The following PROM1 variants were observed in gnomAD, a reference collection of about 807,000 sequenced individuals.
The protein encoded by PROM1 is prominin-1.
A neutral mutation model predicts 116.9 loss-of-function variants in PROM1; 105 were observed. That is an observed-to-expected ratio of 0.90 (90% CI 0.77 to 1.06). PROM1 has a LOEUF of 1.06. Ranked by LOEUF, PROM1 falls within the 50% of genes least tolerant of loss-of-function variation. The probability of loss-of-function intolerance (pLI) is 0.00; values close to 1 mark genes in which losing one functional copy is unlikely to be tolerated. For synonymous variants in PROM1, 393 were observed against 387.0 expected (o/e 1.02, Z -0.18); for missense variants, 1,122 against 1,045.2 (o/e 1.07, Z -1.01).
chr4:15,977,888 G>A (rs1355389855), intron 26 of PROM1, among the ~76,000 whole-genome samples: 2 of 152,318 alleles, frequency 1.3e-5, no homozygotes, highest in Non-Finnish European at 2.9e-5. Flanking sequence ...ATGAGCCACC[G>A]CGCTTGGCCA....
intron 12 of PROM1, 37 bp from the exon 13 acceptor site, chr4:16,006,727 AG>A (rs1348421528): frequency 6.3e-7 from 1 of 1,599,182 alleles, no homozygotes; most frequent in African/African-American, 1.3e-5. Flanking sequence ...TACATGACAC[AG>A]GTGACGCCAC....
At chr4:16,038,683 G>T (rs1263511174) in intron 3 of PROM1, among the ~76,000 whole-genome samples, 1 of 152,200 alleles carries the variant, frequency 6.6e-6, no homozygotes, top group African/African-American at 2.4e-5. Flanking sequence ...TTACAGGCGT[G>T]AGCCACCACA....
chr4:16,083,303 C>G (rs140740468), intron 1 of PROM1: 3,477 of 152,420 alleles, frequency 0.023, 65 homozygotes, highest in Non-Finnish European at 0.035. Flanking sequence ...CACTCACCTC[C>G]GACTCCCGCT....
chr4:15,980,519 T>C lies in PROM1; in HGVS notation c.2392A>G (p.Ile798Val). 6.5e-7 allele frequency: 1 copy of C among 1,542,990 alleles called. No individual in the cohort carries two copies. Among genetic ancestry groups the C allele is most frequent in the Non-Finnish European group, 8.7e-7 (1 of 1,144,270 alleles). The change falls in exon 24 of 28, where the codon ATA (isoleucine) becomes GTA (valine). Residue 798 changes from isoleucine (I) to valine (V), a missense_variant. By Grantham distance (29) the Ile-to-Val change is conservative. Transcript: ENST00000447510. ...AGTAAAAATACAGTAGCTTTTCCTA[T>C]GCCAAACCAAAACAAATTCTAGGAA... is the stretch of plus-strand genomic sequence containing the variant. The part of the protein sequence containing the change: ...IDPLNLFWFG[I>V]GKATVFLLPA...
intron 3 of PROM1, among the ~76,000 whole-genome samples, chr4:16,036,503 G>A (rs1027944482): frequency 4.6e-5 from 7 of 152,096 alleles, no homozygotes; most frequent in African/African-American, 1.7e-4. Context: ...AATGATCCCG[G>A]TCTCCCTTTC....
Position 15,970,974 on chromosome 4 carries a change from T to C in PROM1, c.*24+69A>G, listed in dbSNP as rs1044211259. ...TGTGGCAATGTATTAGGAATAGCTA[T>C]GTTTTGATGTTCTAAAAACTAAAAA... is the stretch of plus-strand genomic sequence containing the variant. On this transcript the variant is annotated intron_variant, in intron 27 of 27. Transcript: ENST00000447510. The C allele has an allele frequency of 1.4e-5, 17 of 1,202,398 alleles. No homozygotes were observed. In the African/African-American group the frequency reaches 1.8e-4, roughly 13 times the overall value. The allele number at this position is 1,202,398 out of a possible 1,614,324, so 74.5% of individuals were successfully genotyped here. A position where few individuals can be genotyped will look rare whatever the true frequency, so the allele number is the denominator to read the frequency against.
Position 15,992,308 on chromosome 4 carries a change from GT to G in PROM1, c.1850del (p.Asn617ThrfsTer10). ...TTCCACAAGCAGCAAAATCCTGAAG[GT>G]TTTTTCTTCCTGCTGCACCCAACAG... Reference protein sequence around the residue: ...IFLLGAAGRKNLQDFAACGID... With the variant: ...IFLLGAAGRKXLQDFAACGID... On this transcript the variant is annotated frameshift_variant, in exon 17 of 28. Transcript: ENST00000447510. LOFTEE classifies it high-confidence loss of function. 6.2e-7 allele frequency: 1 copy of G among 1,613,814 alleles called. No individual in the cohort carries two copies. The highest frequency in any genetic ancestry group is 8.5e-7 in the Non-Finnish European group (1 of 1,179,844).
chr4:16,004,768 CCT>C (rs1491574138), intron 13 of PROM1, among the ~76,000 whole-genome samples: 1 of 151,966 alleles, frequency 6.6e-6, no homozygotes, highest in African/African-American at 2.4e-5. Flanking sequence ...TGTGATTTCT[CCT>C]TTTTTTCTTC....
chr4:16,023,060 G>A (rs1414931814), intron 8 of PROM1, among the ~76,000 whole-genome samples: 3 of 150,444 alleles, frequency 2.0e-5, no homozygotes, highest in African/African-American at 4.9e-5. Flanking sequence ...GCTGTGTTCC[G>A]ATAAAACTGT....
At position 15,989,654 on chromosome 4, in the gene PROM1, GA is replaced by G. The variant is rs1336858528; in HGVS notation, c.2076+77del. 4.2e-6 allele frequency: 5 copies of G among 1,193,098 alleles called. No homozygotes were observed. In the East Asian group the frequency reaches 1.3e-4, roughly 30 times the overall value. 73.9% of individuals were successfully genotyped at this position (1,193,098 alleles called of 1,614,324 possible). On this transcript the variant is annotated intron_variant, in intron 19 of 27. Transcript: ENST00000447510. The stretch of plus-strand genomic sequence containing the variant: ...CCTATGAGAGATGAGCATGTGTCGT[GA>G]GGCTAAATGAAAGCCAACTAGCTGC...
At chr4:15,987,877 C>CTT (rs56144936) in intron 19 of PROM1, among the ~76,000 whole-genome samples, 161 bp from the exon 20 acceptor site, 13,175 of 132,328 alleles carry the variant, frequency 0.1, 881 homozygotes, top group Middle Eastern at 0.16. Context: ...TGTGTACTTT[C>CTT]TTTTTTTTTT....
rs886059196 is a variant in PROM1 at position 15,968,430 on chromosome 4, T to C, written c.*963A>G. 6.6e-6 allele frequency: 1 copy of C among 152,224 alleles called. No individual in the cohort carries two copies. Among genetic ancestry groups the C allele is most frequent in the Non-Finnish European group, 1.5e-5 (1 of 68,040 alleles). 9.4% of individuals were successfully genotyped at this position (152,224 alleles called of 1,614,324 possible). ...AATGAATATTTACCTTGTGCTTTCATGCAAATTTAGGGACCAAACTCAAAG... is the reference window on the plus strand; with the variant it reads ...AATGAATATTTACCTTGTGCTTTCACGCAAATTTAGGGACCAAACTCAAAG... On this transcript the variant is annotated 3_prime_UTR_variant, in exon 28 of 28. Coordinates refer to ENST00000447510, the MANE Select transcript of PROM1 (RefSeq NM_006017.3).
chr4:16,031,162 T>C (rs1384902272), intron 5 of PROM1, among the ~76,000 whole-genome samples: 1 of 152,216 alleles, frequency 6.6e-6, no homozygotes, highest in Non-Finnish European at 1.5e-5. Context: ...ACTATATGTA[T>C]TGACATCAAG....
chr4:15,988,201 G>A (rs185846401), intron 19 of PROM1, among the ~76,000 whole-genome samples: 13 of 152,248 alleles, frequency 8.5e-5, no homozygotes, highest in Admixed American at 7.8e-4. Flanking sequence ...CTATGCCTCT[G>A]GTGTAAGAAA....
At chr4:16,050,272 C>CCACA (rs554201356) in intron 2 of PROM1, among the ~76,000 whole-genome samples, 10 of 148,104 alleles carry the variant, frequency 6.8e-5, no homozygotes, top group Non-Finnish European at 1.0e-4. Flanking sequence ...AAAAAAAAAA[C>CCACA]CACACACACA....
chr4:15,979,890 G>T lies in PROM1; in HGVS notation c.2504C>A (p.Pro835His). ...TTTTAAAAAGGCTTACTTTTTCATG[G>T]GTATAGTTTCAACACTATAAAATAC... Reference protein sequence around the residue: ...EDVYDDVETIPMKNMENGNNG... With the variant: ...EDVYDDVETIHMKNMENGNNG... Residue 835 changes from proline to histidine, a missense_variant, in exon 25 of 28, where the codon CCC becomes CAC. Physicochemically the swap from Pro to His is moderately conservative, Grantham distance 77. Transcript: ENST00000447510. 6.9e-7 allele frequency: 1 copy of T among 1,447,708 alleles called. No individual in the cohort carries two copies. Among genetic ancestry groups the T allele is most frequent in the Non-Finnish European group, 9.4e-7 (1 of 1,062,998 alleles). The allele number at this position is 1,447,708 out of a possible 1,614,324, so 89.7% of individuals were successfully genotyped here. A position where few individuals can be genotyped will look rare whatever the true frequency, so the allele number is the denominator to read the frequency against.
rs769846108 is a variant in PROM1 at position 16,018,531 on chromosome 4, T to G, written c.794A>C (p.Glu265Ala). The change falls in exon 9 of 28, where the codon GAG (glutamate) becomes GCG (alanine). Residue 265 changes from glutamate to alanine, a missense_variant. Coordinates refer to ENST00000447510, the MANE Select transcript of PROM1 (RefSeq NM_006017.3). ...CATGTTCTCCAACGCCTCTTTGGTC[T>G]CCTTGATCGCTATGGAAACACAGCC... ...EIKSMATAIK[E>A]TKEALENMNS... 2 of 1,607,146 alleles carry G rather than the reference T, an allele frequency of 1.2e-6. No homozygotes were observed. Among genetic ancestry groups the G allele is most frequent in the East Asian group, 4.5e-5 (2 of 44,722 alleles).
At chr4:16,022,376 ATGT>A (rs1220032552) in intron 8 of PROM1, among the ~76,000 whole-genome samples, 1 of 152,156 alleles carries the variant, frequency 6.6e-6, no homozygotes, top group Non-Finnish European at 1.5e-5. Flanking sequence ...GATGTCGAGA[ATGT>A]TGTTGTTGGC....
At chr4:16,020,060 G>C (rs890749078) in intron 8 of PROM1, among the ~76,000 whole-genome samples, 1 of 152,158 alleles carries the variant, frequency 6.6e-6, no homozygotes, top group African/African-American at 2.4e-5. Context: ...CTGGTTACTA[G>C]AAGAGTCTGA....
Sources: gnomAD v4.1 joint callset for allele counts (sites outside exome capture counted in the v4.1 genomes callset) on GRCh38, gnomAD v4.1.1 for gene constraint, MANE v1.5 for transcripts, NCBI Gene and HGNC (gene_info 2026-07-23, HGNC 2026-07-21) for gene names.